Variants in INKA1 observed in about 807,000 individuals in gnomAD.
The protein encoded by INKA1 is PAK4-inhibitor INKA1.
INKA1 carries 14 observed loss-of-function variants against 21.3 expected under a neutral mutation model. The ratio of observed to expected loss-of-function variants is 0.66; its 90% CI spans 0.43 to 1.03. INKA1 has a LOEUF of 1.03. Among genes scored for constraint, INKA1 ranks in the 50% least tolerant of loss-of-function variants. The pLI is 0.00. For missense variants in INKA1, 353 were observed against 379.0 expected, an observed-to-expected ratio of 0.93 and a Z score of 0.57; for synonymous variants, 133 against 143.3, an observed-to-expected ratio of 0.93 and a Z score of 0.51.
chr3:49,804,641 C>T lies in INKA1; in HGVS notation c.512C>T (p.Thr171Ile), dbSNP rs761270755. 1.2e-6 allele frequency: 2 copies of T among 1,613,218 alleles called. No individual in the cohort carries two copies. Among genetic ancestry groups the T allele is most frequent in the East Asian group, 2.2e-5 (1 of 44,894 alleles). The change falls in exon 2 of 2, where the codon ACA becomes ATA. Residue 171 changes from threonine to isoleucine, a missense_variant. Transcript: ENST00000333323. This position sits in a 1 kb window ranked among gnomAD's most constrained non-coding sequence, Gnocchi z 6.7. Reference sequence around the variant, plus strand: ...CAGGGACTGGAAGCAGAGGACTGGACAGCAGCCCTACTGAACAGGGGTCGC... The same window carrying T: ...CAGGGACTGGAAGCAGAGGACTGGATAGCAGCCCTACTGAACAGGGGTCGC... ...HWQGLEAEDW[T>I]AALLNRGRSR...
chr3:49,804,227 A>T lies in INKA1; in HGVS notation c.98A>T (p.Gln33Leu). ...TGSPSMPGPL[Q>L]PTSQTGPDVQ... ...TCACCCTCAATGCCTGGTCCCCTGC[A>T]GCCAACCTCCCAAACTGGCCCAGAT... The change falls in exon 2 of 2, where the codon CAG becomes CTG. Residue 33 changes from glutamine to leucine, a missense_variant. By Grantham distance (113) the Gln-to-Leu change is moderately radical. Transcript: ENST00000333323. This position sits in a 1 kb window ranked among gnomAD's most constrained non-coding sequence, Gnocchi z 6.7. 6.2e-7 allele frequency: 1 copy of T among 1,606,822 alleles called. No homozygotes were observed. Among genetic ancestry groups the T allele is most frequent in the African/African-American group, 1.3e-5 (1 of 74,934 alleles).
In INKA1 at chr3:49,803,482, G is replaced by GCGGGATGCCAGGCTGCCGCCCGGC. The variant is rs777983015; in HGVS notation, c.51+43_51+66dup. On this transcript the variant is annotated intron_variant, in intron 1 of 1. Transcript: ENST00000333323. The surrounding 1 kb of genome is among the most constrained non-coding windows in gnomAD (Gnocchi z 4.8). ...GCGGGTGTGGTTAGTGAGGACGCGT[G>GCGGGATGCCAGGCTGCCGCCCGGC]CGGGATGCCAGGCTGCCGCCCGGCC... is the stretch of plus-strand genomic sequence containing the variant. 16 of 1,537,346 alleles carry GCGGGATGCCAGGCTGCCGCCCGGC rather than the reference G, an allele frequency of 1.0e-5. No individual in the cohort carries two copies. In the African/African-American group the frequency reaches 2.0e-4, roughly 19 times the overall value.
chr3:49,804,207 C>T lies in INKA1; in HGVS notation c.78C>T (p.Pro26=). 1.9e-6 allele frequency: 3 copies of T among 1,596,290 alleles called. No individual in the cohort carries two copies. Among genetic ancestry groups the T allele is most frequent in the Non-Finnish European group, 2.6e-6 (3 of 1,169,724 alleles). The change falls in exon 2 of 2, where the codon CCC becomes CCT. Residue 26 remains proline (P), a synonymous_variant. Transcript: ENST00000333323. This position sits in a 1 kb window ranked among gnomAD's most constrained non-coding sequence, Gnocchi z 6.7. ...ELLCGRDTGS[P]SMPGPLQPTS... ...TGTGTGGTCGGGACACAGGCTCACC[C>T]TCAATGCCTGGTCCCCTGCAGCCAA...
At position 49,804,193 on chromosome 3, in the gene INKA1, G is replaced by T; in HGVS notation, c.64G>T (p.Asp22Tyr). Residue 22 changes from aspartate (D) to tyrosine (Y), a missense_variant, in exon 2 of 2, where the codon GAC becomes TAC. Asp to Tyr is a radical substitution (Grantham distance 160). Transcript: ENST00000333323. This position sits in a 1 kb window ranked among gnomAD's most constrained non-coding sequence, Gnocchi z 6.7. ...CTCTTCCCCTCAGTTGTGTGGTCGG[G>T]ACACAGGCTCACCCTCAATGCCTGG... ...QLRWELLCGR[D>Y]TGSPSMPGPL... is the part of the protein sequence containing the mutation. The T allele has an allele frequency of 6.3e-7, 1 of 1,584,652 alleles. No individual in the cohort carries two copies.
chr3:49,803,551 A>T lies in INKA1; in HGVS notation c.51+108A>T. The T allele has an allele frequency of 8.5e-7, 1 of 1,171,460 alleles. No homozygotes were observed. Among genetic ancestry groups the T allele is most frequent in the Non-Finnish European group, 1.2e-6 (1 of 833,662 alleles). 72.6% of individuals were successfully genotyped at this position (1,171,460 alleles called of 1,614,324 possible). On this transcript the variant is annotated intron_variant, in intron 1 of 1. Coordinates refer to ENST00000333323, the MANE Select transcript of INKA1 (RefSeq NM_203370.2). This position sits in a 1 kb window ranked among gnomAD's most constrained non-coding sequence, Gnocchi z 4.8. ...GGGGTGGCTCCAGCGTGCCGGTCCG[A>T]GGCGGGGTGGGGGCGGCGTGGCGCA...
rs1160875495 is a variant in INKA1, at chr3:49,804,625, G to A, written c.496G>A (p.Glu166Lys). Residue 166 changes from glutamate to lysine, a missense_variant, in exon 2 of 2, where the codon GAA becomes AAA. Glu to Lys is a moderately conservative substitution (Grantham distance 56). Transcript: ENST00000333323. The surrounding 1 kb of genome is among the most constrained non-coding windows in gnomAD (Gnocchi z 6.7). ...CTGCCTGGAGCACTGGCAGGGACTGGAAGCAGAGGACTGGACAGCAGCCCT... is the reference window on the plus strand; with the variant it reads ...CTGCCTGGAGCACTGGCAGGGACTGAAAGCAGAGGACTGGACAGCAGCCCT... ...DACLEHWQGL[E>K]AEDWTAALLN... 6.2e-7 allele frequency: 1 copy of A among 1,613,226 alleles called. No homozygotes were observed. Among genetic ancestry groups the A allele is most frequent in the East Asian group, 2.2e-5 (1 of 44,886 alleles).
rs2081397250 is a variant in INKA1, at chr3:49,803,471, T to G, written c.51+28T>G. ...GAGGCTCGGGAGCGGGTGTGGTTAG[T>G]GAGGACGCGTGCGGGATGCCAGGCT... is the stretch of plus-strand genomic sequence containing the variant. On this transcript the variant is annotated intron_variant, in intron 1 of 1. Transcript: ENST00000333323. The surrounding 1 kb of genome is among the most constrained non-coding windows in gnomAD (Gnocchi z 4.8). 3 of 1,541,010 alleles carry G rather than the reference T, an allele frequency of 1.9e-6. No individual in the cohort carries two copies. Among genetic ancestry groups the G allele is most frequent in the South Asian group, 2.4e-5 (2 of 82,550 alleles).
rs778961736 is a variant in INKA1 at position 49,803,432 on chromosome 3, C to T, written c.40C>T (p.Arg14Cys). 8 of 1,558,130 alleles carry T rather than the reference C, an allele frequency of 5.1e-6. No individual in the cohort carries two copies. In the East Asian group the frequency reaches 1.7e-4, roughly 34 times the overall value. Residue 14 changes from arginine (R) to cysteine (C), a missense_variant, in exon 1 of 2, where the codon CGC becomes TGC. Coordinates refer to ENST00000333323, the MANE Select transcript of INKA1 (RefSeq NM_203370.2). This position sits in a 1 kb window ranked among gnomAD's most constrained non-coding sequence, Gnocchi z 4.8. Reference protein sequence around the residue: ...ARLDSFLSQLRWELLCGRDTG... With the variant: ...ARLDSFLSQLCWELLCGRDTG... ...GCTTGACAGCTTCCTTAGCCAGCTC[C>T]GCTGGGAACTGGTGAGGCTCGGGAG...
rs1385344069 is a variant in INKA1 at position 49,803,421 on chromosome 3, T to C, written c.29T>C (p.Leu10Pro). 2 of 1,557,934 alleles carry C rather than the reference T, an allele frequency of 1.3e-6. No homozygotes were observed. The highest frequency in any genetic ancestry group is 2.5e-5 in the East Asian group (1 of 40,304). ...CACAGCGCTCGGCTTGACAGCTTCC[T>C]TAGCCAGCTCCGCTGGGAACTGGTG... MHSARLDSF[L>P]SQLRWELLCG... The change falls in exon 1 of 2, where the codon CTT becomes CCT. Residue 10 changes from leucine to proline, a missense_variant. By Grantham distance (98) the Leu-to-Pro change is moderately conservative (BLOSUM62 -3). Coordinates refer to ENST00000333323, the MANE Select transcript of INKA1 (RefSeq NM_203370.2). This position sits in a 1 kb window ranked among gnomAD's most constrained non-coding sequence, Gnocchi z 4.8.
Position 49,804,578 on chromosome 3 carries a change from G to A in INKA1, c.449G>A (p.Arg150Gln), listed in dbSNP as rs889709783. ...AGTGTACCACCTGTCCACCATCCACGGCCCAAGTCCACCCCAGACGCCTGC... is the reference window on the plus strand; with the variant it reads ...AGTGTACCACCTGTCCACCATCCACAGCCCAAGTCCACCCCAGACGCCTGC... ...VASVPPVHHPRPKSTPDACLE... is the reference protein window; with the variant it reads ...VASVPPVHHPQPKSTPDACLE... The change falls in exon 2 of 2, where the codon CGG (arginine) becomes CAG (glutamine). Residue 150 changes from arginine (R) to glutamine (Q), a missense_variant. Physicochemically the swap from Arg to Gln is conservative, Grantham distance 43. Coordinates refer to ENST00000333323, the MANE Select transcript of INKA1 (RefSeq NM_203370.2). The surrounding 1 kb of genome is among the most constrained non-coding windows in gnomAD (Gnocchi z 6.7). 8 of 1,613,268 alleles carry A rather than the reference G, an allele frequency of 5.0e-6. No individual in the cohort carries two copies. The highest frequency in any genetic ancestry group is 6.8e-6 in the Non-Finnish European group (8 of 1,180,006).
chr3:49,803,363 A>G lies in INKA1; in HGVS notation c.-30A>G, dbSNP rs1022557608. The stretch of plus-strand genomic sequence containing the variant: ...CTCCGCCGGGGTTCCAAGAGGAGCT[A>G]GTAGGTTCGGTGGGGGCCCTGGCAT... On this transcript the variant is annotated 5_prime_UTR_variant, in exon 1 of 2. Coordinates refer to ENST00000333323, the MANE Select transcript of INKA1 (RefSeq NM_203370.2). The surrounding 1 kb of genome is among the most constrained non-coding windows in gnomAD (Gnocchi z 4.8). 3.3e-6 allele frequency: 5 copies of G among 1,504,148 alleles called. No homozygotes were observed. In the African/African-American group the frequency reaches 4.4e-5, roughly 13 times the overall value. 93.2% of individuals were successfully genotyped at this position (1,504,148 alleles called of 1,614,324 possible).
rs2081397802 is a variant in INKA1 at position 49,803,491 on chromosome 3, C to T, written c.51+48C>T. The T allele has an allele frequency of 2.6e-6, 4 of 1,524,750 alleles. No individual in the cohort carries two copies. Among genetic ancestry groups the T allele is most frequent in the East Asian group, 2.6e-5 (1 of 38,836 alleles). 94.5% of individuals were successfully genotyped at this position (1,524,750 alleles called of 1,614,324 possible). ...GTTAGTGAGGACGCGTGCGGGATGC[C>T]AGGCTGCCGCCCGGCCGGAACAACA... On this transcript the variant is annotated intron_variant, in intron 1 of 1. Transcript: ENST00000333323. The surrounding 1 kb of genome is among the most constrained non-coding windows in gnomAD (Gnocchi z 4.8).
rs771849514 is a variant in INKA1 at position 49,804,925 on chromosome 3, G to A, written c.796G>A (p.Ala266Thr). Residue 266 changes from alanine to threonine, a missense_variant, in exon 2 of 2, where the codon GCA becomes ACA. By Grantham distance (58) the Ala-to-Thr change is moderately conservative. Coordinates refer to ENST00000333323, the MANE Select transcript of INKA1 (RefSeq NM_203370.2). The surrounding 1 kb of genome is among the most constrained non-coding windows in gnomAD (Gnocchi z 6.7). ...ACTGCCTGCGGATGTCTCACGCTTT[G>A]CAGCTCTCATGAGCTGTCGTAGCCG... is the stretch of plus-strand genomic sequence containing the variant. ...PELPADVSRF[A>T]ALMSCRSRQP... The A allele has an allele frequency of 6.2e-7, 1 of 1,612,934 alleles. No homozygotes were observed. Among genetic ancestry groups the A allele is most frequent in the Non-Finnish European group, 8.5e-7 (1 of 1,179,958 alleles).
Position 49,804,102 on chromosome 3 carries a change from C to A in INKA1, c.52-79C>A, listed in dbSNP as rs1432828277. On this transcript the variant is annotated intron_variant, in intron 1 of 1. Transcript: ENST00000333323. This position sits in a 1 kb window ranked among gnomAD's most constrained non-coding sequence, Gnocchi z 6.7. ...TGCCCAGGCCAGCAGGCCTATCTAA[C>A]CTTCCTGGACCCTCTGTTCTCTGGG... 1 of 1,321,878 alleles carries A rather than the reference C, an allele frequency of 7.6e-7. No individual in the cohort carries two copies. Among genetic ancestry groups the A allele is most frequent in the African/African-American group, 1.5e-5 (1 of 67,900 alleles). The allele number at this position is 1,321,878 out of a possible 1,614,324, so 81.9% of individuals were successfully genotyped here.
Position 49,803,414 on chromosome 3 carries a change from A to C in INKA1, c.22A>C (p.Ser8Arg), listed in dbSNP as rs757643116. 1.9e-6 allele frequency: 3 copies of C among 1,553,750 alleles called. No homozygotes were observed. The highest frequency in any genetic ancestry group is 2.6e-6 in the Non-Finnish European group (3 of 1,153,116). ...GGACATGCACAGCGCTCGGCTTGAC[A>C]GCTTCCTTAGCCAGCTCCGCTGGGA... MHSARLD[S>R]FLSQLRWELL... The change falls in exon 1 of 2, where the codon AGC (serine) becomes CGC (arginine). Residue 8 changes from serine (S) to arginine (R), a missense_variant. Ser to Arg is a moderately radical substitution (Grantham distance 110). Transcript: ENST00000333323. This position sits in a 1 kb window ranked among gnomAD's most constrained non-coding sequence, Gnocchi z 4.8.
Position 49,803,502 on chromosome 3 carries a change from C to G in INKA1, c.51+59C>G. On this transcript the variant is annotated intron_variant, in intron 1 of 1. Coordinates refer to ENST00000333323, the MANE Select transcript of INKA1 (RefSeq NM_203370.2). This position sits in a 1 kb window ranked among gnomAD's most constrained non-coding sequence, Gnocchi z 4.8. ...CGCGTGCGGGATGCCAGGCTGCCGC[C>G]CGGCCGGAACAACAGACGGGTGCGG... The G allele has an allele frequency of 6.6e-7, 1 of 1,505,258 alleles. No individual in the cohort carries two copies. The highest frequency in any genetic ancestry group is 9.0e-7 in the Non-Finnish European group (1 of 1,115,362). 93.2% of individuals were successfully genotyped at this position (1,505,258 alleles called of 1,614,324 possible). A position where few individuals can be genotyped will look rare whatever the true frequency, so the allele number is the denominator to read the frequency against.
rs2081412331 is a variant in INKA1, at chr3:49,804,434, G to A, written c.305G>A (p.Ser102Asn). 6.2e-7 allele frequency: 1 copy of A among 1,613,580 alleles called. No homozygotes were observed. Among genetic ancestry groups the A allele is most frequent in the Non-Finnish European group, 8.5e-7 (1 of 1,180,002 alleles). Reference protein sequence around the residue: ...WDSGFSEVSGSTWREEELPVS... With the variant: ...WDSGFSEVSGNTWREEELPVS... Reference sequence around the variant, plus strand: ...TCTGGCTTCTCGGAGGTGTCAGGCAGCACATGGCGAGAGGAAGAACTGCCT... The same window carrying A: ...TCTGGCTTCTCGGAGGTGTCAGGCAACACATGGCGAGAGGAAGAACTGCCT... Residue 102 changes from serine to asparagine, a missense_variant, in exon 2 of 2, where the codon AGC becomes AAC. Transcript: ENST00000333323. This position sits in a 1 kb window ranked among gnomAD's most constrained non-coding sequence, Gnocchi z 6.7.
chr3:49,804,216 T>C lies in INKA1; in HGVS notation c.87T>C (p.Pro29=), dbSNP rs770649346. 1 of 1,602,614 alleles carries C rather than the reference T, an allele frequency of 6.2e-7. No individual in the cohort carries two copies. The highest frequency in any genetic ancestry group is 8.5e-7 in the Non-Finnish European group (1 of 1,173,478). Residue 29 remains proline (P), a synonymous_variant, in exon 2 of 2, where the codon CCT becomes CCC. Transcript: ENST00000333323. This position sits in a 1 kb window ranked among gnomAD's most constrained non-coding sequence, Gnocchi z 6.7. ...CGRDTGSPSM[P]GPLQPTSQTG... The stretch of plus-strand genomic sequence containing the variant: ...GGGACACAGGCTCACCCTCAATGCC[T>C]GGTCCCCTGCAGCCAACCTCCCAAA...
Position 49,804,868 on chromosome 3 carries a change from C to G in INKA1, c.739C>G (p.Arg247Gly). 1 of 1,612,512 alleles carries G rather than the reference C, an allele frequency of 6.2e-7. No homozygotes were observed. Among genetic ancestry groups the G allele is most frequent in the Non-Finnish European group, 8.5e-7 (1 of 1,179,976 alleles). The change falls in exon 2 of 2, where the codon CGG becomes GGG. Residue 247 changes from arginine to glycine, a missense_variant. Arg to Gly is a moderately radical substitution (Grantham distance 125, BLOSUM62 -2). Coordinates refer to ENST00000333323, the MANE Select transcript of INKA1 (RefSeq NM_203370.2). The surrounding 1 kb of genome is among the most constrained non-coding windows in gnomAD (Gnocchi z 6.7). ...RARRTAMAGK[R>G]LSCPPRPEPE... The stretch of plus-strand genomic sequence containing the variant: ...TCGGCGGACAGCTATGGCAGGAAAG[C>G]GGCTGTCATGCCCACCTCGCCCAGA...
Sources: gnomAD v4.1 joint callset for allele counts on GRCh38, gnomAD v4.1.1 for gene constraint, Gnocchi (gnomAD v3.1) non-coding constraint, MANE v1.5 for transcripts, NCBI Gene and HGNC (gene_info 2026-07-23, HGNC 2026-07-21) for gene names.